The following GFRA1 variants were observed in gnomAD, a reference collection of about 807,000 sequenced individuals.
GFRA1 encodes the protein GDNF family receptor alpha-1.
Under a neutral mutation model 51.6 loss-of-function variants are expected in GFRA1, and 16 were observed. That is an observed-to-expected ratio of 0.31 (90% CI 0.21 to 0.47). The LOEUF is 0.47. GFRA1 is among the 20% of genes least tolerant of loss of function. The pLI is 1.00. For synonymous variants in GFRA1, 270 were observed against 241.3 expected (o/e 1.12, Z -1.10); for missense variants, 530 against 594.3 (o/e 0.89, Z 1.13).
At chr10:116,263,163 T>C (rs1969413790) in intron 4 of GFRA1, among the ~76,000 whole-genome samples, 1 of 152,168 alleles carries the variant, frequency 6.6e-6, no homozygotes, top group South Asian at 2.1e-4. Flanking sequence ...AGGTAGTTTA[T>C]AAGCAGCCTT....
intron 6 of GFRA1, among the ~76,000 whole-genome samples, chr10:116,119,179 C>A (rs1292220790): frequency 2.0e-5 from 3 of 152,092 alleles, no homozygotes; most frequent in East Asian, 1.9e-4. Context: ...CAGGAAGGTG[C>A]CCCTCCCCAT....
upstream of GFRA1, among the ~76,000 whole-genome samples, chr10:116,274,245 G>A (rs2134860188): frequency 6.6e-6 from 1 of 151,812 alleles, no homozygotes; most frequent in African/African-American, 2.4e-5. Context: ...ACTGGGTCGG[G>A]AGACCGGTCT....
At chr10:116,128,770 TC>T (rs1428923002) in intron 5 of GFRA1, among the ~76,000 whole-genome samples, 1 of 151,904 alleles carries the variant, frequency 6.6e-6, no homozygotes, top group Non-Finnish European at 1.5e-5. Flanking sequence ...GGTTATACCT[TC>T]TTTGTTATAA....
chr10:116,064,058 GATC>G lies in GFRA1; in HGVS notation c.*337_*339del, dbSNP rs57275382. 74 of 188,460 alleles carry G rather than the reference GATC, an allele frequency of 3.9e-4. No homozygotes were observed. The highest frequency in any genetic ancestry group is 6.3e-4 in the Non-Finnish European group (67 of 105,632). 11.7% of individuals were successfully genotyped at this position (188,460 alleles called of 1,614,324 possible). ...TTAAAATCATCATCATGATCATGAT[GATC>G]ATCATCATGATCATGATGATCATCA... On this transcript the variant is annotated 3_prime_UTR_variant, in exon 11 of 11. Coordinates refer to ENST00000355422, the MANE Select transcript of GFRA1 (RefSeq NM_005264.8).
intron 5 of GFRA1, among the ~76,000 whole-genome samples, chr10:116,202,846 T>C (rs1286170236): frequency 6.6e-6 from 1 of 152,140 alleles, no homozygotes; most frequent in Non-Finnish European, 1.5e-5. Context: ...CAAATCATGT[T>C]ACATCCCCAG....
At position 116,125,258 on chromosome 10, in the gene GFRA1, T is replaced by C. The variant is rs1209835246; in HGVS notation, c.733A>G (p.Asn245Asp). ...TTCGTCTTGCAGGAGTCCTGCAAAT[T>C]CAAACAGTTGGGCTTCTCCCTCTCT... ...YEEREKPNCL[N>D]LQDSCKTNYI... Residue 245 changes from asparagine (N) to aspartate (D), a missense_variant, in exon 6 of 11, where the codon AAT (asparagine) becomes GAT (aspartate). By Grantham distance (23) the Asn-to-Asp change is conservative. Coordinates refer to ENST00000355422, the MANE Select transcript of GFRA1 (RefSeq NM_005264.8). 7 of 1,614,176 alleles carry C rather than the reference T, an allele frequency of 4.3e-6. No homozygotes were observed. Among genetic ancestry groups the C allele is most frequent in the Non-Finnish European group, 5.9e-6 (7 of 1,180,040 alleles).
intron 4 of GFRA1, among the ~76,000 whole-genome samples, chr10:116,221,813 T>G (rs554991142): frequency 1.3e-5 from 2 of 152,324 alleles, no homozygotes; most frequent in South Asian, 4.1e-4. Flanking sequence ...CTGTGGATTT[T>G]GGGTCCAATT....
intron 4 of GFRA1, among the ~76,000 whole-genome samples, chr10:116,240,965 TAA>T (rs1025153107): frequency 3.3e-5 from 5 of 152,184 alleles, no homozygotes; most frequent in Non-Finnish European, 7.3e-5. Flanking sequence ...GTTACCCAGC[TAA>T]GACTTGCAGA....
intron 5 of GFRA1, among the ~76,000 whole-genome samples, chr10:116,202,800 G>A (rs1964443862): frequency 2.0e-5 from 3 of 152,126 alleles, no homozygotes; most frequent in South Asian, 2.1e-4. Context: ...CCTCCAATTT[G>A]ATATGAGATT....
At chr10:116,075,352 G>A (rs570634729) in intron 9 of GFRA1, among the ~76,000 whole-genome samples, 11 of 152,268 alleles carry the variant, frequency 7.2e-5, no homozygotes, top group African/African-American at 1.4e-4. Flanking sequence ...ACCGGATGCC[G>A]CCTCGGCACA....
chr10:116,147,188 G>A (rs1010566551), intron 5 of GFRA1, among the ~76,000 whole-genome samples: 1 of 152,164 alleles, frequency 6.6e-6, no homozygotes, highest in Non-Finnish European at 1.5e-5. Context: ...TAGAAAAAGA[G>A]ATAGAAACAG....
rs1447829639 is a variant in GFRA1, at chr10:116,058,784, T to C, written c.*5614A>G. On this transcript the variant is annotated 3_prime_UTR_variant, in exon 11 of 11. Coordinates refer to ENST00000355422, the MANE Select transcript of GFRA1 (RefSeq NM_005264.8). ...TAAACGTGCTGACTTGGTAAGCATT[T>C]GATGTTGCTTCTCAGGATACTGATG... 3.9e-5 allele frequency: 6 copies of C among 152,166 alleles called. No homozygotes were observed. Among genetic ancestry groups the C allele is most frequent in the African/African-American group, 1.4e-4 (6 of 41,428 alleles). 9.4% of individuals were successfully genotyped at this position (152,166 alleles called of 1,614,324 possible).
chr10:116,169,665 A>G (rs1960840119), intron 5 of GFRA1, among the ~76,000 whole-genome samples: 1 of 152,166 alleles, frequency 6.6e-6, no homozygotes, highest in African/African-American at 2.4e-5. Flanking sequence ...ACTCCAGGGA[A>G]GATTATCTTC....
At chr10:116,149,396 A>T (rs1281520893) in intron 5 of GFRA1, among the ~76,000 whole-genome samples, 1 of 152,174 alleles carries the variant, frequency 6.6e-6, no homozygotes, top group Non-Finnish European at 1.5e-5. Flanking sequence ...CACATTAATA[A>T]GATACAATTT....
chr10:116,176,017 C>T (rs1961552817), intron 5 of GFRA1, among the ~76,000 whole-genome samples: 1 of 152,000 alleles, frequency 6.6e-6, no homozygotes, highest in African/African-American at 2.4e-5. Context: ...TCGTTTCCGC[C>T]ACAAACAATG....
At chr10:116,090,545 TTAGG>T (rs1246972411) in intron 8 of GFRA1, among the ~76,000 whole-genome samples, 1 of 151,772 alleles carries the variant, frequency 6.6e-6, no homozygotes, top group Non-Finnish European at 1.5e-5. Flanking sequence ...ATCTGCATAA[TTAGG>T]TAGGAGCAGC....
At position 116,057,723 on chromosome 10, in the gene GFRA1, T is replaced by G. The variant is rs1954607297; in HGVS notation, c.*6675A>C. On this transcript the variant is annotated 3_prime_UTR_variant, in exon 11 of 11. Coordinates refer to ENST00000355422, the MANE Select transcript of GFRA1 (RefSeq NM_005264.8). Reference sequence around the variant, plus strand: ...AGAACTATAAGGCCCTGGATTCAGGTTTCTGAAACTGTTTTTTTTTTTTCA... The same window carrying G: ...AGAACTATAAGGCCCTGGATTCAGGGTTCTGAAACTGTTTTTTTTTTTTCA... 6.7e-6 allele frequency: 1 copy of G among 149,290 alleles called. No homozygotes were observed. Among genetic ancestry groups the G allele is most frequent in the Non-Finnish European group, 1.5e-5 (1 of 67,784 alleles). 9.2% of individuals were successfully genotyped at this position (149,290 alleles called of 1,614,324 possible).
At chr10:116,181,625 G>GT (rs34059876) in intron 5 of GFRA1, among the ~76,000 whole-genome samples, 82,025 of 150,602 alleles carry the variant, frequency 0.54, 22,509 homozygotes, top group Middle Eastern at 0.67. Flanking sequence ...AAAATATGAG[G>GT]TTTTTTTTTG....
chr10:116,133,584 C>G (rs771364094), intron 5 of GFRA1, among the ~76,000 whole-genome samples: 8 of 152,182 alleles, frequency 5.3e-5, no homozygotes, highest in African/African-American at 1.9e-4. Flanking sequence ...AAGGTCCCTT[C>G]AAGCCTTAAG....
Sources: allele counts gnomAD v4.1 joint callset (sites outside exome capture counted in the v4.1 genomes callset), GRCh38; gene constraint gnomAD v4.1.1; transcripts MANE v1.5; gene names NCBI Gene and HGNC (gene_info 2026-07-23, HGNC 2026-07-21).